The following MAST2 variants were observed in gnomAD, a reference collection of about 807,000 sequenced individuals.
MAST2 encodes the protein microtubule-associated serine/threonine-protein kinase 2.
A neutral mutation model predicts 147.4 loss-of-function variants in MAST2; 70 were observed. That is an observed-to-expected ratio of 0.47 (90% CI 0.39 to 0.58). The LOEUF is 0.58. MAST2 is among the 20% of genes least tolerant of loss of function. The pLI, the probability that MAST2 is intolerant of heterozygous loss-of-function variation, is 0.00. For synonymous variants in MAST2, 869 were observed against 896.8 expected, an observed-to-expected ratio of 0.97 and a Z score of 0.55; for missense variants, 2,080 against 2,302.3, an observed-to-expected ratio of 0.90 and a Z score of 1.98.
At chr1:45,968,511 A>T in intron 5 of MAST2, among the ~76,000 whole-genome samples, 1 of 150,168 alleles carries the variant, frequency 6.7e-6, no homozygotes, top group South Asian at 2.1e-4. Flanking sequence ...CAACAGTTTT[A>T]ATATTTCACT....
chr1:45,974,569 T>C (rs1644057653), intron 5 of MAST2, among the ~76,000 whole-genome samples: 1 of 152,120 alleles, frequency 6.6e-6, no homozygotes, highest in African/African-American at 2.4e-5. Context: ...ACTGTGATTG[T>C]GATTTTGAGA....
intron 4 of MAST2, among the ~76,000 whole-genome samples, chr1:45,891,582 G>T (rs1406152977): frequency 6.6e-6 from 1 of 151,834 alleles, no homozygotes; most frequent in Non-Finnish European, 1.5e-5. Context: ...AACTAGAAGA[G>T]TATTCTCTAA....
chr1:45,960,138 A>C (rs1660208651), intron 5 of MAST2, among the ~76,000 whole-genome samples: 1 of 152,162 alleles, frequency 6.6e-6, no homozygotes, highest in Admixed American at 6.5e-5. Context: ...TCATGGATTC[A>C]GGCTGCTCTA....
chr1:46,032,180 C>T lies in MAST2; in HGVS notation c.3190C>T (p.His1064Tyr). The T allele has an allele frequency of 6.2e-7, 1 of 1,613,844 alleles. No homozygotes were observed. Among genetic ancestry groups the T allele is most frequent in the Admixed American group, 1.7e-5 (1 of 60,020 alleles). ...AGTCCTGGCTTCTCCTTCTCCAGAA[C>T]ACCACACCTGCTCCCCGTTGGCCAG... ...TALSLLIPSE[H>Y]HTCSPLASPM... The change falls in exon 25 of 29, where the codon CAC becomes TAC. Residue 1064 changes from histidine (H) to tyrosine (Y), a missense_variant and splice_region_variant. His to Tyr is a moderately conservative substitution (Grantham distance 83). Coordinates refer to ENST00000361297, the MANE Select transcript of MAST2 (RefSeq NM_015112.3).
At chr1:45,944,978 G>A (rs1015251834) in intron 4 of MAST2, among the ~76,000 whole-genome samples, 1 of 152,172 alleles carries the variant, frequency 6.6e-6, no homozygotes, top group Non-Finnish European at 1.5e-5. Context: ...ATAGAACCTT[G>A]CAATTAGCTG....
intron 4 of MAST2, among the ~76,000 whole-genome samples, chr1:45,884,797 A>G (rs995188078): frequency 2.0e-5 from 3 of 152,196 alleles, no homozygotes; most frequent in African/African-American, 7.2e-5. Context: ...AGGCTTTGCC[A>G]CTAACAAATT....
intron 10 of MAST2, among the ~76,000 whole-genome samples, chr1:46,018,837 ACT>A (rs1356642682): frequency 6.6e-6 from 1 of 151,922 alleles, no homozygotes; most frequent in Non-Finnish European, 1.5e-5. Context: ...TACCCAAGAG[ACT>A]CTCATATAGG....
chr1:45,826,509 C>T (rs940982933), intron 2 of MAST2, among the ~76,000 whole-genome samples: 1 of 152,088 alleles, frequency 6.6e-6, no homozygotes, highest in Non-Finnish European at 1.5e-5. Context: ...TGCACCACCA[C>T]ACCCAGCTAA....
Position 46,006,374 on chromosome 1 carries a change from G to A in MAST2, c.881G>A (p.Arg294Gln), listed in dbSNP as rs1202770148. 3.7e-6 allele frequency: 6 copies of A among 1,613,084 alleles called. No homozygotes were observed. Among genetic ancestry groups the A allele is most frequent in the East Asian group, 2.2e-5 (1 of 44,864 alleles). ...GAAGGACGGCAGTCCCCAGCCATGC[G>A]GCCTCGCTCCCGGAGCCTCAGGTGA... ...DEEGRQSPAMRPRSRSLSPGR... is the reference protein window; with the variant it reads ...DEEGRQSPAMQPRSRSLSPGR... The change falls in exon 8 of 29, where the codon CGG becomes CAG. Residue 294 changes from arginine (R) to glutamine (Q), a missense_variant. Around this residue, in one of 4 missense-constraint regions of MAST2, gnomAD observed 569 missense variants for 642.5 expected, o/e 0.89. Coordinates refer to ENST00000361297, the MANE Select transcript of MAST2 (RefSeq NM_015112.3).
chr1:45,897,980 A>G (rs1284359211), intron 4 of MAST2, among the ~76,000 whole-genome samples: 2 of 150,330 alleles, frequency 1.3e-5, no homozygotes, highest in East Asian at 2.0e-4. Context: ...ATGGTGGTGC[A>G]TGCCTGTAGT....
chr1:46,003,070 G>C (rs1331555029), intron 7 of MAST2, among the ~76,000 whole-genome samples, 187 bp downstream of exon 7: 1 of 152,192 alleles, frequency 6.6e-6, no homozygotes, highest in East Asian at 1.9e-4. Flanking sequence ...CTCCATAAGT[G>C]CCTTCGGAAA....
chr1:45,899,944 A>G (rs891141092), intron 4 of MAST2, among the ~76,000 whole-genome samples: 1 of 151,766 alleles, frequency 6.6e-6, no homozygotes. Context: ...GGCTGAGGCA[A>G]GTGGATCACA....
At position 45,896,731 on chromosome 1, in the gene MAST2, C is replaced by T. The variant is rs77054295; in HGVS notation, c.500+14336C>T. Among the ~76,000 whole-genome samples, 153 of 152,286 alleles carry T rather than the reference C, an allele frequency of 1.0e-3. 2 individuals carry two copies. The East Asian group carries it at 0.022, about 22-fold the overall frequency. ...GCTATGGGAGTTGTAAGCCAGAAAC[C>T]GTAGATTAAAACCAGTATGTATATC... On this transcript the variant is annotated intron_variant, in intron 4 of 28. Transcript: ENST00000361297.
intron 5 of MAST2, among the ~76,000 whole-genome samples, chr1:45,973,100 T>G (rs570243991): frequency 6.6e-6 from 1 of 152,284 alleles, no homozygotes; most frequent in East Asian, 1.9e-4. Flanking sequence ...ATTGTAAAAA[T>G]TTTAGCTCTT....
chr1:46,027,038 G>A (rs1339194812), intron 16 of MAST2, among the ~76,000 whole-genome samples: 2 of 152,178 alleles, frequency 1.3e-5, no homozygotes, highest in Non-Finnish European at 2.9e-5. Context: ...TTTCACTGAG[G>A]AGGGGAACCA....
intron 15 of MAST2, 39 bp from the exon 16 acceptor site, chr1:46,025,638 A>T: frequency 6.2e-7 from 1 of 1,612,830 alleles, no homozygotes. Flanking sequence ...AGAGCAGGGA[A>T]CTGAATCCTT....
chr1:45,835,750 C>T (rs1007382172), intron 3 of MAST2, among the ~76,000 whole-genome samples: 2 of 152,266 alleles, frequency 1.3e-5, no homozygotes, highest in Admixed American at 6.5e-5. Context: ...ACCCATTAAA[C>T]AGTCATTATT....
chr1:45,983,019 C>T (rs1452496285), intron 5 of MAST2, among the ~76,000 whole-genome samples: 1 of 152,224 alleles, frequency 6.6e-6, no homozygotes, highest in East Asian at 1.9e-4. Flanking sequence ...TTCATCATTA[C>T]TTCCCCTTGC....
chr1:45,925,642 A>G (rs929711873), intron 4 of MAST2, among the ~76,000 whole-genome samples: 37 of 152,316 alleles, frequency 2.4e-4, no homozygotes, highest in African/African-American at 8.4e-4. Context: ...GTTTTGAATC[A>G]GTTTTGAATT....
Sources: gnomAD v4.1 joint callset for allele counts (sites outside exome capture counted in the v4.1 genomes callset) on GRCh38, gnomAD v4.1.1 for gene constraint, gnomAD v4.1.1 regional missense constraint, MANE v1.5 for transcripts, NCBI Gene and HGNC (gene_info 2026-07-23, HGNC 2026-07-21) for gene names.